The following HORMAD1 variants were observed in gnomAD, a reference collection of about 807,000 sequenced individuals.
HORMAD1 encodes HORMA domain-containing protein 1.
In HORMAD1, 33 loss-of-function variants were observed where a neutral mutation model predicts 58.2. That is an observed-to-expected ratio of 0.57 (90% CI 0.43 to 0.76). The LOEUF is 0.76. Ranked by LOEUF, HORMAD1 falls within the 30% of genes least tolerant of loss-of-function variation. The pLI is 0.00. For missense variants in HORMAD1, 363 were observed against 462.0 expected (o/e 0.79, Z 1.96); for synonymous variants, 137 against 144.6 (o/e 0.95, Z 0.38).
chr1:150,712,245 G>A (rs1651927092), intron 5 of HORMAD1, among the ~76,000 whole-genome samples: 2 of 152,172 alleles, frequency 1.3e-5, no homozygotes. Flanking sequence ...GAATTCAACA[G>A]AGGGAGGAAG....
intron 1 of HORMAD1, among the ~76,000 whole-genome samples, chr1:150,720,356 C>T (rs946969114): frequency 7.2e-5 from 11 of 152,146 alleles, no homozygotes; most frequent in African/African-American, 2.7e-4. Flanking sequence ...GCACCGTGCC[C>T]GGCCGCTAAT....
intron 14 of HORMAD1, 46 bp downstream of exon 14, chr1:150,700,066 T>C (rs984457456): frequency 3.3e-6 from 3 of 896,038 alleles, no homozygotes; most frequent in Non-Finnish European, 5.6e-6. Context: ...AATGATATTC[T>C]GATCCTTCCC....
intron 3 of HORMAD1, 142 bp from the exon 4 acceptor site, chr1:150,714,820 C>T (rs10888388): frequency 0.43 from 165,751 of 381,222 alleles, 39,038 homozygotes; most frequent in Non-Finnish European, 0.49. Context: ...GGGTCTCACT[C>T]TATCACCCAG....
intron 10 of HORMAD1, among the ~76,000 whole-genome samples, chr1:150,705,412 C>G (rs1651663163): frequency 6.6e-6 from 1 of 151,968 alleles, no homozygotes. Context: ...GTAATCCCAG[C>G]TACTTGGGAA....
intron 13 of HORMAD1, among the ~76,000 whole-genome samples, 167 bp downstream of exon 13, chr1:150,703,143 C>G (rs1651585149): frequency 6.6e-6 from 1 of 152,038 alleles, no homozygotes; most frequent in Non-Finnish European, 1.5e-5. Flanking sequence ...CAGCTAAGAC[C>G]ATGAAGTATG....
At chr1:150,711,896 AAAT>A (rs749542223) in intron 5 of HORMAD1, 43 bp from the exon 6 acceptor site, 6 of 1,345,992 alleles carry the variant, frequency 4.5e-6, no homozygotes, top group Middle Eastern at 3.7e-4. Flanking sequence ...GTAGTCTATA[AAAT>A]AATTTTTCAT....
intron 3 of HORMAD1, among the ~76,000 whole-genome samples, 184 bp downstream of exon 3, chr1:150,716,954 C>CA (rs61024265): frequency 0.025 from 2,261 of 90,716 alleles, 70 homozygotes; most frequent in Admixed American, 0.061. Context: ...GACCCCGTCT[C>CA]AAAAAAAAAA....
intron 5 of HORMAD1, 39 bp downstream of exon 5, chr1:150,714,046 A>G (rs754954300): frequency 7.9e-7 from 1 of 1,269,834 alleles, no homozygotes; most frequent in South Asian, 1.3e-5. Context: ...TAGATCATAA[A>G]CTGTAGAAAA....
Position 150,717,289 on chromosome 1 carries a change from T to A in HORMAD1, c.34-7A>T. 6.7e-7 allele frequency: 1 copy of A among 1,503,080 alleles called. No individual in the cohort carries two copies. Among genetic ancestry groups the A allele is most frequent in the Non-Finnish European group, 8.9e-7 (1 of 1,119,934 alleles). 93.1% of individuals were successfully genotyped at this position (1,503,080 alleles called of 1,614,324 possible). A position where few individuals can be genotyped will look rare whatever the true frequency, so the allele number is the denominator to read the frequency against. Reference sequence around the variant, plus strand: ...TGGGAAATACCAGTGCACTCTAAAATTCAAGGGAAAGTAGAACACTTTATT... The same window carrying A: ...TGGGAAATACCAGTGCACTCTAAAAATCAAGGGAAAGTAGAACACTTTATT... On this transcript the variant is annotated splice_region_variant and splice_polypyrimidine_tract_variant and intron_variant, in intron 2 of 14. Coordinates refer to ENST00000361824, the MANE Select transcript of HORMAD1 (RefSeq NM_032132.5).
In HORMAD1 at chr1:150,719,375, C is replaced by T. The variant is rs370995258; in HGVS notation, c.33+98G>A. 54 of 739,980 alleles carry T rather than the reference C, an allele frequency of 7.3e-5. No individual in the cohort carries two copies. The East Asian group carries it at 1.5e-3, about 20-fold the overall frequency. The allele number at this position is 739,980 out of a possible 1,614,324, so 45.8% of individuals were successfully genotyped here. A position where few individuals can be genotyped will look rare whatever the true frequency, so the allele number is the denominator to read the frequency against. On this transcript the variant is annotated intron_variant, in intron 2 of 14. Transcript: ENST00000361824. ...CAGTTTCCTGGTATCATAAAACCCT[C>T]AAATAGTTGAGCCCTAACTTCCAAC...
chr1:150,711,332 T>C (rs587765011), intron 7 of HORMAD1, among the ~76,000 whole-genome samples: 1 of 152,284 alleles, frequency 6.6e-6, no homozygotes, highest in South Asian at 2.1e-4. Context: ...CTAAGATCAG[T>C]CACATAATCT....
At chr1:150,711,641 C>A in intron 6 of HORMAD1, 70 bp from the exon 7 acceptor site, 1 of 1,230,382 alleles carries the variant, frequency 8.1e-7, no homozygotes, top group South Asian at 1.3e-5. Context: ...GATGTTTAGA[C>A]TAAACTTCAT....
intron 7 of HORMAD1, among the ~76,000 whole-genome samples, chr1:150,709,657 A>G (rs1571072433): frequency 2.0e-5 from 3 of 151,742 alleles, no homozygotes; most frequent in South Asian, 2.1e-4. Context: ...GCTGAGGTGG[A>G]TTAGTAAAAG....
Position 150,701,582 on chromosome 1 carries a change from G to A in HORMAD1, c.1033-1399C>T, listed in dbSNP as rs1272420151. ...TCTGAGTGGGGAGTTGGGAATAAAT[G>A]TTCTAGCACACCACTAACAGAGTGA... On this transcript the variant is annotated intron_variant, in intron 13 of 14. Coordinates refer to ENST00000361824, the MANE Select transcript of HORMAD1 (RefSeq NM_032132.5). Among the ~76,000 whole-genome samples the A allele has an allele frequency of 2.0e-5, 3 of 152,102 alleles. No individual in the cohort carries two copies. The East Asian group carries it at 5.8e-4, about 29-fold the overall frequency.
intron 9 of HORMAD1, among the ~76,000 whole-genome samples, chr1:150,707,687 G>C (rs1651738043): frequency 6.6e-6 from 1 of 152,178 alleles, no homozygotes; most frequent in Admixed American, 6.5e-5. Flanking sequence ...TGTTATTCCA[G>C]TACTTTGGGA....
At position 150,703,072 on chromosome 1, in the gene HORMAD1, CCTATTCAGA is replaced by C. The variant is rs367862597; in HGVS notation, c.1032+229_1032+237del. Among the ~76,000 whole-genome samples, 111 of 152,192 alleles carry C rather than the reference CCTATTCAGA, an allele frequency of 7.3e-4. 2 individuals carry two copies. Among genetic ancestry groups the C allele is most frequent in the African/African-American group, 2.6e-3 (107 of 41,528 alleles). ...CATTCCTTTCTTTGTGCCTATGTAG[CCTATTCAGA>C]CTTCTATAATGGCTCTGTATCATTG... On this transcript the variant is annotated intron_variant, in intron 13 of 14. Coordinates refer to ENST00000361824, the MANE Select transcript of HORMAD1 (RefSeq NM_032132.5).
chr1:150,699,585 C>T (rs983748860), intron 14 of HORMAD1, among the ~76,000 whole-genome samples: 2 of 151,380 alleles, frequency 1.3e-5, no homozygotes, highest in Admixed American at 6.6e-5. Context: ...AGTACAGTGG[C>T]GCGATCTTGG....
rs1439867014 is a variant in HORMAD1, at chr1:150,703,407, T to A, written c.949-14A>T. On this transcript the variant is annotated splice_polypyrimidine_tract_variant and intron_variant, in intron 12 of 14. Transcript: ENST00000361824. ...TAACTGCTCAACCTAAAAAAGAAAATAATTACAAAAAATATAACTTAGTAT... is the reference window on the plus strand; with the variant it reads ...TAACTGCTCAACCTAAAAAAGAAAAAAATTACAAAAAATATAACTTAGTAT... The A allele has an allele frequency of 1.4e-6, 2 of 1,405,442 alleles. No homozygotes were observed. The highest frequency in any genetic ancestry group is 2.0e-5 in the Admixed American group (1 of 51,078). The allele number at this position is 1,405,442 out of a possible 1,614,324, so 87.1% of individuals were successfully genotyped here.
chr1:150,702,026 C>G (rs587691544), intron 13 of HORMAD1: 1 of 152,236 alleles, frequency 6.6e-6, no homozygotes, highest in South Asian at 2.1e-4. Context: ...ATCTATCCAT[C>G]TGACAAAGGT....
Sources: allele counts gnomAD v4.1 joint callset (sites outside exome capture counted in the v4.1 genomes callset), GRCh38; gene constraint gnomAD v4.1.1; transcripts MANE v1.5; gene names NCBI Gene and HGNC (gene_info 2026-07-23, HGNC 2026-07-21).